FRY: variants seen among roughly 807,000 people sequenced by gnomAD.
FRY encodes protein furry homolog.
A neutral mutation model predicts 348.4 loss-of-function variants in FRY; 128 were observed. The observed-to-expected ratio is 0.37, with a 90% CI of 0.32 to 0.43. The LOEUF (loss-of-function observed/expected upper bound fraction) is 0.43. FRY is among the 20% of genes least tolerant of loss of function. The pLI, the probability that FRY is intolerant of heterozygous loss-of-function variation, is 1.00. For missense variants in FRY, 2,736 were observed against 3,695.2 expected, an observed-to-expected ratio of 0.74 and a Z score of 6.73; for synonymous variants, 1,370 against 1,374.7, an observed-to-expected ratio of 1.00 and a Z score of 0.08.
intron 58 of FRY, among the ~76,000 whole-genome samples, chr13:32,287,380 G>A (rs1889130924): frequency 6.6e-6 from 1 of 152,176 alleles, no homozygotes; most frequent in African/African-American, 2.4e-5. Flanking sequence ...TATATTCAAT[G>A]TTAATTGGAA....
Position 32,237,866 on chromosome 13 carries a change from C to A in FRY, c.6298C>A (p.Leu2100Met). ...AQLKWADFSG[L>M]QQLLLKGFTS... Reference sequence around the variant, plus strand: ...GCTGAAGTGGGCCGACTTCTCCGGGCTGCAGCAGCTGCTGCTGAAAGGATT... The same window carrying A: ...GCTGAAGTGGGCCGACTTCTCCGGGATGCAGCAGCTGCTGCTGAAAGGATT... The change falls in exon 44 of 61, where the codon CTG becomes ATG. Residue 2100 changes from leucine to methionine, a missense_variant. Coordinates refer to ENST00000542859, the MANE Select transcript of FRY (RefSeq NM_023037.3). The surrounding 1 kb of genome is among the most constrained non-coding windows in gnomAD (Gnocchi z 6.3). The A allele has an allele frequency of 6.2e-7, 1 of 1,614,146 alleles. No homozygotes were observed. The highest frequency in any genetic ancestry group is 8.5e-7 in the Non-Finnish European group (1 of 1,180,012).
chr13:32,151,794 A>G (rs752235546), intron 14 of FRY, among the ~76,000 whole-genome samples: 1 of 152,206 alleles, frequency 6.6e-6, no homozygotes, highest in Non-Finnish European at 1.5e-5. Context: ...CGGAGGTCTT[A>G]TGTAGTGCTA....
rs79811017 is a variant in FRY at position 32,237,356 on chromosome 13, A to C, written c.5811-23A>C. 1.0e-4 allele frequency: 161 copies of C among 1,612,600 alleles called. 1 individual carries two copies. In the East Asian group the frequency reaches 3.6e-3, roughly 36 times the overall value. The stretch of plus-strand genomic sequence containing the variant: ...GGTGACACATGTTGGCATCCTATTA[A>C]ACTTATTTATTTTTATACCCAGCTC... On this transcript the variant is annotated intron_variant, in intron 43 of 60. Transcript: ENST00000542859. This position sits in a 1 kb window ranked among gnomAD's most constrained non-coding sequence, Gnocchi z 6.3.
At chr13:32,110,020 A>G (rs1195088115) in intron 3 of FRY, among the ~76,000 whole-genome samples, 1 of 152,168 alleles carries the variant, frequency 6.6e-6, no homozygotes, top group African/African-American at 2.4e-5. Flanking sequence ...GAAGATGCAG[A>G]CCAGGAAGAA....
chr13:32,127,651 C>T (rs1445289421), intron 7 of FRY, among the ~76,000 whole-genome samples: 2 of 151,966 alleles, frequency 1.3e-5, no homozygotes, highest in Non-Finnish European at 2.9e-5. Context: ...TGGTGGCACG[C>T]ACCTGTAATC....
chr13:32,136,225 GT>G (rs1879707677), intron 10 of FRY, among the ~76,000 whole-genome samples: 1 of 152,132 alleles, frequency 6.6e-6, no homozygotes, highest in South Asian at 2.1e-4. Flanking sequence ...TTCGGTGGCT[GT>G]TCATTACCTT....
At chr13:32,054,653 C>T (rs1164386241) in intron 1 of FRY, among the ~76,000 whole-genome samples, 1 of 152,100 alleles carries the variant, frequency 6.6e-6, no homozygotes, top group African/African-American at 2.4e-5. Flanking sequence ...GCAGGCGGAT[C>T]ACAAGGTCAG....
chr13:32,225,803 C>G lies in FRY; in HGVS notation c.5035C>G (p.Arg1679Gly), dbSNP rs370742861. The change falls in exon 39 of 61, where the codon CGG becomes GGG. Residue 1679 changes from arginine to glycine, a missense_variant. Physicochemically the swap from Arg to Gly is moderately radical, Grantham distance 125 (BLOSUM62 -2). Transcript: ENST00000542859. ...TTTTGTTCCAGGTTTAGACCACTAC[C>G]GGCCTGAAGTCTTTGAACACAGCAA... ...HAVFLGLDHY[R>G]PEVFEHSKKL... is the part of the protein sequence containing the mutation. 1 of 1,613,404 alleles carries G rather than the reference C, an allele frequency of 6.2e-7. No homozygotes were observed. Among genetic ancestry groups the G allele is most frequent in the African/African-American group, 1.3e-5 (1 of 74,912 alleles).
chr13:32,247,022 CT>C (rs1262488751), intron 47 of FRY, among the ~76,000 whole-genome samples: 32 of 148,550 alleles, frequency 2.2e-4, no homozygotes, highest in Admixed American at 4.0e-4. Flanking sequence ...GCATTGGGAG[CT>C]TTTTTTTTTC....
At chr13:32,263,986 G>A (rs1339193116) in intron 53 of FRY, among the ~76,000 whole-genome samples, 4 of 152,010 alleles carry the variant, frequency 2.6e-5, no homozygotes, top group East Asian at 1.9e-4. Context: ...CAGCCTGGGC[G>A]ACAGAGCGAG....
chr13:32,196,399 A>C (rs534469588), intron 29 of FRY, among the ~76,000 whole-genome samples: 1 of 152,354 alleles, frequency 6.6e-6, no homozygotes, highest in South Asian at 2.1e-4. Flanking sequence ...TAAAGGATTA[A>C]ATTTTTTTAA....
intron 39 of FRY, among the ~76,000 whole-genome samples, chr13:32,226,358 A>C (rs1016212548): frequency 6.6e-6 from 1 of 152,154 alleles, no homozygotes; most frequent in Non-Finnish European, 1.5e-5. Flanking sequence ...AAGGTGCCGG[A>C]TGTATCACTT....
chr13:32,291,781 A>G (rs1036318356), intron 59 of FRY, among the ~76,000 whole-genome samples: 1 of 152,178 alleles, frequency 6.6e-6, no homozygotes, highest in Non-Finnish European at 1.5e-5. Flanking sequence ...AGTTTAGAAG[A>G]AGGTGATTCC....
chr13:32,053,540 TTTCCAAGG>T (rs1391524645), intron 1 of FRY, among the ~76,000 whole-genome samples: 1 of 152,222 alleles, frequency 6.6e-6, no homozygotes, highest in Non-Finnish European at 1.5e-5. Flanking sequence ...CTGTGTTAGT[TTTCCAAGG>T]TCCCACGGCT....
At chr13:32,251,719 A>C (rs1453484674) in intron 49 of FRY, among the ~76,000 whole-genome samples, 159 bp from the exon 50 acceptor site, 1 of 152,168 alleles carries the variant, frequency 6.6e-6, no homozygotes. Context: ...AACAATTTTT[A>C]ATTGCTATTT....
intron 2 of FRY, among the ~76,000 whole-genome samples, chr13:32,096,587 T>C (rs1203494981): frequency 6.6e-6 from 1 of 152,084 alleles, no homozygotes; most frequent in Non-Finnish European, 1.5e-5. Context: ...GGTCAGGGGT[T>C]TGAGACCAGC....
intron 2 of FRY, among the ~76,000 whole-genome samples, chr13:32,100,283 G>T (rs1214510109): frequency 6.6e-5 from 10 of 151,746 alleles, no homozygotes; most frequent in African/African-American, 2.4e-4. Flanking sequence ...ATTTCACTGT[G>T]TTGACCAGGA....
At chr13:32,177,587 C>CT (rs1882442221) in intron 20 of FRY, among the ~76,000 whole-genome samples, 1 of 119,618 alleles carries the variant, frequency 8.4e-6, no homozygotes, top group Admixed American at 8.6e-5. Flanking sequence ...GAGCAAGACT[C>CT]TGTCTCGATA....
chr13:32,219,245 C>G (rs1443100601), intron 36 of FRY, among the ~76,000 whole-genome samples: 1 of 150,180 alleles, frequency 6.7e-6, no homozygotes, highest in African/African-American at 2.4e-5. Flanking sequence ...CCCACCACCA[C>G]GCCCAGCTAA....
Sources: gnomAD v4.1 joint callset for allele counts (sites outside exome capture counted in the v4.1 genomes callset) on GRCh38, gnomAD v4.1.1 for gene constraint, Gnocchi (gnomAD v3.1) non-coding constraint, MANE v1.5 for transcripts, NCBI Gene and HGNC (gene_info 2026-07-23, HGNC 2026-07-21) for gene names.